The following ECPAS variants were observed in gnomAD, a reference collection of about 807,000 sequenced individuals.
ECPAS encodes the protein proteasome adapter and scaffold protein ECM29.
ECPAS carries 70 observed loss-of-function variants against 255.1 expected under a neutral mutation model. That is an observed-to-expected ratio of 0.27 (90% confidence interval 0.23 to 0.33). The LOEUF (loss-of-function observed/expected upper bound fraction) is 0.33, where lower values mean the gene tolerates loss of function less well. ECPAS is among the 10% of genes least tolerant of loss of function. The probability of loss-of-function intolerance (pLI) is 1.00; values close to 1 mark genes in which losing one functional copy is unlikely to be tolerated. For missense variants in ECPAS, 1,817 were observed against 2,206.4 expected (o/e 0.82, Z 3.54); for synonymous variants, 784 against 775.0 (o/e 1.01, Z -0.19).
intron 6 of ECPAS, 51 bp from the exon 7 acceptor site, chr9:111,437,159 A>G: frequency 1.4e-6 from 2 of 1,418,882 alleles, no homozygotes; most frequent in Non-Finnish European, 1.9e-6. Flanking sequence ...AGCATTTACA[A>G]CTATATATGT....
intron 24 of ECPAS, among the ~76,000 whole-genome samples, chr9:111,406,877 AAAAAT>A (rs2098184749): frequency 6.7e-6 from 1 of 149,442 alleles, no homozygotes; most frequent in East Asian, 2.0e-4. Flanking sequence ...ATCCTATTGT[AAAAAT>A]AAAATAAATA....
At chr9:111,483,144 G>A (rs569768071) in intron 1 of ECPAS, among the ~76,000 whole-genome samples, 1 of 152,218 alleles carries the variant, frequency 6.6e-6, no homozygotes, top group South Asian at 2.1e-4. Flanking sequence ...GGGTCAGACG[G>A]GACGGGCGGA....
chr9:111,483,525 A>G, intron 1 of ECPAS: 1 of 971,670 alleles, frequency 1.0e-6, no homozygotes, highest in Non-Finnish European at 1.2e-6. Context: ...TGGGAGGCGG[A>G]GGCGGCGGCC....
chr9:111,430,707 C>T, intron 8 of ECPAS, 79 bp from the exon 9 acceptor site: 3 of 813,670 alleles, frequency 3.7e-6, no homozygotes, highest in Non-Finnish European at 6.0e-6. Context: ...ATAGCCCCAA[C>T]ATTTCTTAAC....
chr9:111,445,138 G>A (rs2098251200), intron 3 of ECPAS, among the ~76,000 whole-genome samples: 1 of 151,382 alleles, frequency 6.6e-6, no homozygotes, highest in African/African-American at 2.4e-5. Flanking sequence ...TGGGATTACA[G>A]GTACCCGCCA....
intron 2 of ECPAS, among the ~76,000 whole-genome samples, chr9:111,466,590 AT>A (rs1273032518): frequency 6.6e-6 from 1 of 151,680 alleles, no homozygotes; most frequent in African/African-American, 2.4e-5. Flanking sequence ...AGGAAAAAAA[AT>A]CTACTAAAAA....
At chr9:111,459,904 G>A (rs1363646344) in intron 2 of ECPAS, among the ~76,000 whole-genome samples, 1 of 152,152 alleles carries the variant, frequency 6.6e-6, no homozygotes, top group East Asian at 1.9e-4. Context: ...GAAAAAGGTG[G>A]GGTAAAGGGA....
At chr9:111,463,181 C>T (rs926521619) in intron 2 of ECPAS, among the ~76,000 whole-genome samples, 4 of 152,222 alleles carry the variant, frequency 2.6e-5, no homozygotes, top group African/African-American at 9.6e-5. Context: ...CTGCTCACTA[C>T]AGTCGGCTGA....
intron 9 of ECPAS, among the ~76,000 whole-genome samples, chr9:111,429,453 A>G (rs940067472): frequency 1.3e-5 from 2 of 152,174 alleles, no homozygotes; most frequent in African/African-American, 4.8e-5. Context: ...TTGTGACCCT[A>G]AAAAGGTCCA....
At chr9:111,412,967 T>A (rs1214394686) in intron 20 of ECPAS, among the ~76,000 whole-genome samples, 1 of 151,934 alleles carries the variant, frequency 6.6e-6, no homozygotes, top group East Asian at 1.9e-4. Context: ...AAAAAAAAAA[T>A]TATTCATTAT....
At chr9:111,440,728 TTAGC>T (rs2098244674) in intron 5 of ECPAS, among the ~76,000 whole-genome samples, 1 of 152,210 alleles carries the variant, frequency 6.6e-6, no homozygotes, top group South Asian at 2.1e-4. Flanking sequence ...TGAGTGATGA[TTAGC>T]ATTTAGCCAA....
chr9:111,421,833 C>T, intron 15 of ECPAS, 88 bp downstream of exon 15: 1 of 1,458,554 alleles, frequency 6.9e-7, no homozygotes, highest in Non-Finnish European at 9.3e-7. Flanking sequence ...AAATACTCCT[C>T]TTATCAAAAG....
At chr9:111,405,016 A>G (rs539279832) in intron 24 of ECPAS, among the ~76,000 whole-genome samples, 2 of 149,852 alleles carry the variant, frequency 1.3e-5, no homozygotes, top group East Asian at 2.0e-4. Context: ...TATAATCCCT[A>G]TCAAAATATC....
At chr9:111,417,001 T>C (rs768349666) in intron 17 of ECPAS, among the ~76,000 whole-genome samples, 8 of 152,120 alleles carry the variant, frequency 5.3e-5, no homozygotes, top group Non-Finnish European at 5.9e-5. Context: ...TCCTTAAACT[T>C]ACACTACCCT....
intron 31 of ECPAS, among the ~76,000 whole-genome samples, chr9:111,387,498 C>T (rs2098151365): frequency 6.6e-6 from 1 of 151,402 alleles, no homozygotes; most frequent in African/African-American, 2.4e-5. Context: ...CAGAGTCTCA[C>T]TCATCATCAG....
chr9:111,418,866 G>A (rs183303744), intron 16 of ECPAS, among the ~76,000 whole-genome samples: 6 of 152,170 alleles, frequency 3.9e-5, no homozygotes, highest in African/African-American at 1.4e-4. Context: ...GGAAACTAAC[G>A]TAAAAAAATT....
In ECPAS at chr9:111,420,027, C is replaced by A; in HGVS notation, c.1549G>T (p.Ala517Ser). 1 of 1,609,554 alleles carries A rather than the reference C, an allele frequency of 6.2e-7. No individual in the cohort carries two copies. The highest frequency in any genetic ancestry group is 8.5e-7 in the Non-Finnish European group (1 of 1,176,376). ...IPSRYLLLLA[A>S]GDPREEVHGE... ...CCTTTTGAAACTTACGGATCTCCTG[C>A]AGCCAGTAGCAGCAAATATCTGGAA... Residue 517 changes from alanine (A) to serine (S), a missense_variant, in exon 16 of 50, where the codon GCA (alanine) becomes TCA (serine). Ala to Ser is a moderately conservative substitution (Grantham distance 99). Transcript: ENST00000684092.
intron 18 of ECPAS, among the ~76,000 whole-genome samples, chr9:111,416,013 A>C (rs1157145345): frequency 6.6e-6 from 1 of 152,214 alleles, no homozygotes; most frequent in African/African-American, 2.4e-5. Context: ...GCAAAATCCC[A>C]ATAGTAATCA....
intron 2 of ECPAS, among the ~76,000 whole-genome samples, chr9:111,470,121 T>A (rs79384552): frequency 2.6e-5 from 4 of 152,208 alleles, no homozygotes; most frequent in African/African-American, 9.6e-5. Flanking sequence ...TCCCTGCTGA[T>A]GGAGTCCTTT....
Sources: allele counts gnomAD v4.1 joint callset (sites outside exome capture counted in the v4.1 genomes callset), GRCh38; gene constraint gnomAD v4.1.1; transcripts MANE v1.5; gene names NCBI Gene and HGNC (gene_info 2026-07-23, HGNC 2026-07-21).